RYR3: variants seen among roughly 807,000 people sequenced by gnomAD.
RYR3 encodes the protein brain ryanodine receptor-calcium release channel.
In RYR3, 207 loss-of-function variants were observed where a neutral mutation model predicts 584.3. That is an observed-to-expected ratio of 0.35 (90% CI 0.32 to 0.40). RYR3 has a LOEUF of 0.40. RYR3 is among the 10% of genes least tolerant of loss of function. The pLI is 1.00. For synonymous variants in RYR3, 2,416 were observed against 2,248.5 expected (o/e 1.07, Z -2.11); for missense variants, 5,616 against 6,089.2 (o/e 0.92, Z 2.59).
chr15:33,717,902 C>T (rs1231075526), intron 43 of RYR3, among the ~76,000 whole-genome samples: 1 of 152,154 alleles, frequency 6.6e-6, no homozygotes, highest in African/African-American at 2.4e-5. Context: ...CTGGTTTGTT[C>T]TCTGTGCTAT....
At chr15:33,398,293 A>T (rs2042418681) in intron 1 of RYR3, among the ~76,000 whole-genome samples, 1 of 152,218 alleles carries the variant, frequency 6.6e-6, no homozygotes, top group East Asian at 1.9e-4. Flanking sequence ...GTGGCCATCC[A>T]TCCACAATGC....
chr15:33,394,386 G>A (rs915120575), intron 1 of RYR3, among the ~76,000 whole-genome samples: 4 of 152,322 alleles, frequency 2.6e-5, no homozygotes, highest in Admixed American at 2.6e-4. Context: ...GGAGTATGTA[G>A]TAATCTGAGT....
chr15:33,788,534 G>A (rs911977521), intron 67 of RYR3, 76 bp downstream of exon 67: 1 of 1,542,594 alleles, frequency 6.5e-7, no homozygotes, highest in Non-Finnish European at 8.8e-7. Flanking sequence ...ATGGAAAGAT[G>A]GTGTTGGGTT....
intron 2 of RYR3, among the ~76,000 whole-genome samples, chr15:33,490,699 C>T (rs926961449): frequency 6.7e-6 from 1 of 150,052 alleles, no homozygotes; most frequent in Non-Finnish European, 1.5e-5. Flanking sequence ...TTAATATTAT[C>T]CTTCAGAAAA....
At chr15:33,860,495 A>C (rs1887778872) in intron 100 of RYR3, 100 bp from the exon 101 acceptor site, 19 of 642,438 alleles carry the variant, frequency 3.0e-5, no homozygotes, top group Middle Eastern at 2.6e-4. Flanking sequence ...TTGATAATTC[A>C]CTTTTTTTTT....
intron 38 of RYR3, among the ~76,000 whole-genome samples, chr15:33,677,181 C>G (rs957454092): frequency 3.9e-5 from 6 of 152,194 alleles, no homozygotes; most frequent in African/African-American, 1.4e-4. Context: ...GACCCACACT[C>G]TTTCCAGAGC....
At chr15:33,451,565 G>A (rs572290268) in intron 1 of RYR3, among the ~76,000 whole-genome samples, 18 of 152,288 alleles carry the variant, frequency 1.2e-4, no homozygotes, top group South Asian at 2.1e-4. Context: ...CGTCAGTGAC[G>A]TCTGCAGCAG....
chr15:33,746,803 C>CTTTTTTTTTTT (rs367738785), intron 53 of RYR3, among the ~76,000 whole-genome samples: 1 of 135,692 alleles, frequency 7.4e-6, no homozygotes, highest in African/African-American at 2.7e-5. Flanking sequence ...TTTCTTTCTT[C>CTTTTTTTTTTT]TTTTTTTTTT....
chr15:33,661,515 A>T (rs777671342), intron 34 of RYR3, among the ~76,000 whole-genome samples: 1 of 152,158 alleles, frequency 6.6e-6, no homozygotes, highest in Non-Finnish European at 1.5e-5. Context: ...GACTGGTTTC[A>T]TGGAAGACAG....
rs1424805766 is a variant in RYR3, at chr15:33,750,269, T to G, written c.8382T>G (p.Asn2794Lys). The change falls in exon 57 of 104, where the codon AAT (asparagine) becomes AAG (lysine). Residue 2794 changes from asparagine (N) to lysine (K), a missense_variant. Physicochemically the swap from Asn to Lys is moderately conservative, Grantham distance 94 (BLOSUM62 0). Coordinates refer to ENST00000634891, the MANE Select transcript of RYR3 (RefSeq NM_001036.6). ...ACCTGTTTAAGTTCCTCCAAGTGAA[T>G]GGCATCATAGTTTCCAGGTAAGTCA... Reference protein sequence around the residue: ...AQDLFKFLQVNGIIVSRGMKD... With the variant: ...AQDLFKFLQVKGIIVSRGMKD... 1.2e-5 allele frequency: 20 copies of G among 1,610,966 alleles called. 1 individual carries two copies. The South Asian group carries it at 1.9e-4, about 15-fold the overall frequency.
Position 33,856,647 on chromosome 15 carries a change from GTTTT to G in RYR3, c.14008-1130_14008-1127del, listed in dbSNP as rs60494844. 5 of 153,782 alleles carry G rather than the reference GTTTT, an allele frequency of 3.3e-5. No individual in the cohort carries two copies. In the East Asian group the frequency reaches 9.5e-4, roughly 29 times the overall value. The allele number at this position is 153,782 out of a possible 1,614,324, so 9.5% of individuals were successfully genotyped here. A position where few individuals can be genotyped will look rare whatever the true frequency, so the allele number is the denominator to read the frequency against. On this transcript the variant is annotated intron_variant, in intron 98 of 103. Transcript: ENST00000634891. ...ATCCACCAGTCCAAAGAACCTTTGG[GTTTT>G]TTGTTTGTTTGTTTGTTTGTTTTTT...
chr15:33,768,235 C>A (rs769801379), intron 60 of RYR3, among the ~76,000 whole-genome samples: 4 of 152,218 alleles, frequency 2.6e-5, no homozygotes, highest in Non-Finnish European at 5.9e-5. Context: ...AAACTTCATA[C>A]CCTCAATGGA....
At position 33,746,093 on chromosome 15, in the gene RYR3, T is replaced by C; in HGVS notation, c.7925T>C (p.Ile2642Thr). ...AGTCAGAGTGGATGGAAATATGGGA[T>C]TTCCCTGGATGAAAATGTGAAGACC... ...DKSQSGWKYG[I>T]SLDENVKTHP... Residue 2642 changes from isoleucine to threonine, a missense_variant, in exon 53 of 104, where the codon ATT becomes ACT. Around this residue, in one of 9 missense-constraint regions of RYR3, gnomAD observed 1,280 missense variants for 1,426.2 expected, o/e 0.90. Coordinates refer to ENST00000634891, the MANE Select transcript of RYR3 (RefSeq NM_001036.6). The C allele has an allele frequency of 6.3e-7, 1 of 1,599,666 alleles. No homozygotes were observed.
In RYR3 at chr15:33,861,085, G is replaced by GT. The variant is rs1289301220; in HGVS notation, c.14375dup (p.Ile4793HisfsTer7). On this transcript the variant is annotated frameshift_variant, in exon 102 of 104. Transcript: ENST00000634891. LOFTEE classifies it high-confidence loss of function. ...GCCTGTTATTTTTCTTAGACTAAAT[G>GT]TTTCATCTGTGGGATTGGCAATGAC... 3 of 1,585,134 alleles carry GT rather than the reference G, an allele frequency of 1.9e-6. No homozygotes were observed. The highest frequency in any genetic ancestry group is 1.7e-6 in the Non-Finnish European group (2 of 1,164,082).
In RYR3 at chr15:33,567,323, A is replaced by G. The variant is rs8032050; in HGVS notation, c.1268+524A>G. ...TCCCTCCAGTCTAAATAATGCTTCC[A>G]AAACAGAACTCTGTGAATTGTTTTC... On this transcript the variant is annotated intron_variant, in intron 12 of 103. Transcript: ENST00000634891. Among the ~76,000 whole-genome samples, 1,453 of 152,346 alleles carry G rather than the reference A, an allele frequency of 9.5e-3. 14 individuals are homozygous for G. Among genetic ancestry groups the G allele is most frequent in the African/African-American group, 0.028 (1,161 of 41,584 alleles).
chr15:33,666,500 G>C (rs2063502040), intron 36 of RYR3, among the ~76,000 whole-genome samples: 2 of 152,186 alleles, frequency 1.3e-5, no homozygotes, highest in Non-Finnish European at 2.9e-5. Context: ...TACCCATAGA[G>C]TCATCAATAT....
At chr15:33,771,237 T>G (rs550167824) in intron 62 of RYR3, among the ~76,000 whole-genome samples, 3 of 152,278 alleles carry the variant, frequency 2.0e-5, no homozygotes, top group African/African-American at 7.2e-5. Flanking sequence ...CTAACCTTTA[T>G]AAAAGTTGTT....
At chr15:33,477,330 A>G (rs529049494) in intron 2 of RYR3, among the ~76,000 whole-genome samples, 1 of 152,308 alleles carries the variant, frequency 6.6e-6, no homozygotes, top group South Asian at 2.1e-4. Context: ...AGGAGATCAT[A>G]TGGAAGCAAA....
intron 12 of RYR3, among the ~76,000 whole-genome samples, chr15:33,569,271 TGTG>T (rs1436673780): frequency 1.3e-5 from 2 of 152,234 alleles, no homozygotes; most frequent in East Asian, 1.9e-4. Context: ...GTATTTTTAT[TGTG>T]GTAAAATATA....
Sources: gnomAD v4.1 joint callset for allele counts (sites outside exome capture counted in the v4.1 genomes callset) on GRCh38, gnomAD v4.1.1 for gene constraint, gnomAD v4.1.1 regional missense constraint, MANE v1.5 for transcripts, NCBI Gene and HGNC (gene_info 2026-07-23, HGNC 2026-07-21) for gene names.